Variants in PRDX5 observed in about 807,000 individuals in gnomAD.
PRDX5 encodes peroxiredoxin 5.
PRDX5 carries 21 observed loss-of-function variants against 23.8 expected under a neutral mutation model. The ratio of observed to expected loss-of-function variants is 0.88; its 90% CI spans 0.63 to 1.27. The LOEUF is 1.27. Ranked by LOEUF, PRDX5 falls within the 50% of genes most tolerant of loss-of-function variation. The probability of loss-of-function intolerance (pLI) is 0.00; values close to 1 mark genes in which losing one functional copy is unlikely to be tolerated. For missense variants in PRDX5, 261 were observed against 270.6 expected, an observed-to-expected ratio of 0.96 and a Z score of 0.25; for synonymous variants, 111 against 113.3, an observed-to-expected ratio of 0.98 and a Z score of 0.13.
intron 5 of PRDX5, 112 bp downstream of exon 5, chr11:64,321,180 A>G (rs1591258785): frequency 7.9e-7 from 1 of 1,267,562 alleles, no homozygotes; most frequent in Non-Finnish European, 1.1e-6. Context: ...TGTGGGGGAG[A>G]GTCCTCTGTG....
At chr11:64,319,939 C>G in intron 2 of PRDX5, 71 bp downstream of exon 2, 1 of 1,548,994 alleles carries the variant, frequency 6.5e-7, no homozygotes, top group African/African-American at 1.4e-5. Context: ...TCCACATAGT[C>G]CTGATAGGAC....
chr11:64,321,167 G>A (rs971186562), intron 5 of PRDX5, 99 bp downstream of exon 5: 10 of 1,359,876 alleles, frequency 7.4e-6, no homozygotes, highest in East Asian at 2.3e-5. Context: ...GGGAAGAGTC[G>A]TCTGTGGGGG....
chr11:64,320,926 C>G (rs1210249169), intron 4 of PRDX5, 23 bp downstream of exon 4: 1 of 1,614,024 alleles, frequency 6.2e-7, no homozygotes, highest in East Asian at 2.2e-5. Flanking sequence ...CTGACCGCCA[C>G]AGGGACATGG....
At chr11:64,319,931 C>T in intron 2 of PRDX5, 63 bp downstream of exon 2, 5 of 1,585,810 alleles carry the variant, frequency 3.2e-6, no homozygotes, top group South Asian at 1.1e-5. Flanking sequence ...TTAAGTCCTC[C>T]ACATAGTCCT....
At position 64,320,753 on chromosome 11, in the gene PRDX5, G is replaced by C; in HGVS notation, c.399G>C (p.Val133=). Reference sequence around the variant, plus strand: ...GTCTGAGTGTTAATGATGCCTTTGTGACTGGCGAGTGGGGCCGAGCCCACA... The same window carrying C: ...GTCTGAGTGTTAATGATGCCTTTGTCACTGGCGAGTGGGGCCGAGCCCACA... ...VACLSVNDAF[V]TGEWGRAHKA... is the part of the protein sequence containing the mutation. Residue 133 remains valine (V), a synonymous_variant, in exon 3 of 6, where the codon GTG becomes GTC. Transcript: ENST00000265462. The C allele has an allele frequency of 6.2e-7, 1 of 1,614,136 alleles. No individual in the cohort carries two copies. Among genetic ancestry groups the C allele is most frequent in the Non-Finnish European group, 8.5e-7 (1 of 1,179,996 alleles).
chr11:64,318,420 C>T (rs146856761), intron 1 of PRDX5, 34 bp downstream of exon 1: 41 of 1,579,788 alleles, frequency 2.6e-5, no homozygotes, highest in Middle Eastern at 1.7e-4. Context: ...TGACATCCCC[C>T]ACTACCCCCA....
At position 64,319,871 on chromosome 11, in the gene PRDX5, G is replaced by A. The variant is rs766597060; in HGVS notation, c.306+3G>A. 1 of 1,613,880 alleles carries A rather than the reference G, an allele frequency of 6.2e-7. No individual in the cohort carries two copies. The highest frequency in any genetic ancestry group is 2.2e-5 in the East Asian group (1 of 44,896). ...CCTTCACCCCTGGATGTTCCAAGGT[G>A]AGGCCCTTCCCCTTCTGAAGATCAG... is the stretch of plus-strand genomic sequence containing the variant. On this transcript the variant is annotated splice_donor_region_variant and intron_variant, in intron 2 of 5. Transcript: ENST00000265462.
intron 2 of PRDX5, 139 bp downstream of exon 2, chr11:64,320,007 C>T (rs1435727449): frequency 8.0e-6 from 10 of 1,254,316 alleles, no homozygotes; most frequent in East Asian, 7.8e-5. Flanking sequence ...GAGCTGGGCG[C>T]GGTGGCTCAC....
At chr11:64,318,958 G>C (rs1002157591) in intron 1 of PRDX5, among the ~76,000 whole-genome samples, 1 of 150,412 alleles carries the variant, frequency 6.6e-6, no homozygotes, top group African/African-American at 2.4e-5. Flanking sequence ...CCCCGCGGGG[G>C]CTTACCCCAT....
At chr11:64,321,089 GTGGAGAGAGTCC>G (rs1317645306) in intron 5 of PRDX5, 21 bp downstream of exon 5, 1 of 1,598,326 alleles carries the variant, frequency 6.3e-7, no homozygotes, top group East Asian at 2.2e-5. Context: ...AGAGTCCTCT[GTGGAGAGAGTCC>G]TCTGTGGGAG....
At chr11:64,319,704 C>T (rs1356246914) in intron 1 of PRDX5, 30 bp from the exon 2 acceptor site, 4 of 1,600,822 alleles carry the variant, frequency 2.5e-6, no homozygotes, top group South Asian at 2.2e-5. Flanking sequence ...GGCTCCCTCA[C>T]CCCCCTTACC....
At position 64,321,725 on chromosome 11, in the gene PRDX5, C is replaced by G; in HGVS notation, c.*34C>G. 2 of 1,541,128 alleles carry G rather than the reference C, an allele frequency of 1.3e-6. No individual in the cohort carries two copies. The highest frequency in any genetic ancestry group is 2.7e-5 in the African/African-American group (2 of 73,000). On this transcript the variant is annotated 3_prime_UTR_variant, in exon 6 of 6. Coordinates refer to ENST00000265462, the MANE Select transcript of PRDX5 (RefSeq NM_012094.5). ...GCCAGATTACTTCCTCCACCCCTCC[C>G]TATCTCACCTGCCCAGCCCTGTGCT... is the stretch of plus-strand genomic sequence containing the variant.
At chr11:64,320,378 C>T (rs1344835291) in intron 2 of PRDX5, among the ~76,000 whole-genome samples, 2 of 152,074 alleles carry the variant, frequency 1.3e-5, no homozygotes, top group East Asian at 3.8e-4. Flanking sequence ...TCCAACACCC[C>T]TGTTGGTCCT....
At chr11:64,321,304 TG>T (rs1465031876) in intron 5 of PRDX5, among the ~76,000 whole-genome samples, 1 of 147,860 alleles carries the variant, frequency 6.8e-6, no homozygotes, top group African/African-American at 2.5e-5. Context: ...GAGTCCTCTG[TG>T]TGGAGAGAGT....
In PRDX5 at chr11:64,321,742, C is replaced by T. The variant is rs1461929570; in HGVS notation, c.*51C>T. ...ACCCCTCCCTATCTCACCTGCCCAG[C>T]CCTGTGCTGGGGCCCTGCAATTGGA... On this transcript the variant is annotated 3_prime_UTR_variant, in exon 6 of 6. Coordinates refer to ENST00000265462, the MANE Select transcript of PRDX5 (RefSeq NM_012094.5). The T allele has an allele frequency of 6.6e-7, 1 of 1,516,452 alleles. No homozygotes were observed. Among genetic ancestry groups the T allele is most frequent in the Admixed American group, 2.1e-5 (1 of 46,706 alleles). 93.9% of individuals were successfully genotyped at this position (1,516,452 alleles called of 1,614,324 possible). A position where few individuals can be genotyped will look rare whatever the true frequency, so the allele number is the denominator to read the frequency against.
Position 64,318,163 on chromosome 11 carries a change from C to T in PRDX5, c.-53C>T, listed in dbSNP as rs1191748427. On this transcript the variant is annotated 5_prime_UTR_variant, in exon 1 of 6. Transcript: ENST00000265462. Reference sequence around the variant, plus strand: ...CGCTGTGCCGCTAGCGGTGCCCCGCCTGCTGCGGTGGCACCAGCCAGGAGG... The same window carrying T: ...CGCTGTGCCGCTAGCGGTGCCCCGCTTGCTGCGGTGGCACCAGCCAGGAGG... 2.5e-6 allele frequency: 4 copies of T among 1,605,094 alleles called. No individual in the cohort carries two copies. The highest frequency in any genetic ancestry group is 3.4e-6 in the Non-Finnish European group (4 of 1,176,890).
rs1025775108 is a variant in PRDX5, at chr11:64,318,309, C to T, written c.94C>T (p.Arg32Trp). The T allele has an allele frequency of 1.2e-6, 2 of 1,612,626 alleles. No homozygotes were observed. Among genetic ancestry groups the T allele is most frequent in the Admixed American group, 1.7e-5 (1 of 59,996 alleles). The part of the protein sequence containing the change: ...GGQSAAAAAR[R>W]YSEGEWASGG... ...TCAGTCTGCGGCAGCGGCAGCAAGACGGTACAGTGAAGGAGAGTGGGCGTC... is the reference window on the plus strand; with the variant it reads ...TCAGTCTGCGGCAGCGGCAGCAAGATGGTACAGTGAAGGAGAGTGGGCGTC... Residue 32 changes from arginine to tryptophan, a missense_variant, in exon 1 of 6, where the codon CGG (arginine) becomes TGG (tryptophan). Coordinates refer to ENST00000265462, the MANE Select transcript of PRDX5 (RefSeq NM_012094.5).
At chr11:64,320,539 A>G (rs2035466203) in intron 2 of PRDX5, 122 bp from the exon 3 acceptor site, 1 of 1,399,772 alleles carries the variant, frequency 7.1e-7, no homozygotes, top group Non-Finnish European at 9.6e-7. Context: ...AATGGTTTAG[A>G]CAGCTCTCAT....
chr11:64,318,189 C>G lies in PRDX5; in HGVS notation c.-27C>G, dbSNP rs1185685619. 1 of 1,609,852 alleles carries G rather than the reference C, an allele frequency of 6.2e-7. No homozygotes were observed. The highest frequency in any genetic ancestry group is 8.5e-7 in the Non-Finnish European group (1 of 1,179,042). Reference sequence around the variant, plus strand: ...TGCTGCGGTGGCACCAGCCAGGAGGCGGAGTGGAAGTGGCCGTGGGGCGGG... The same window carrying G: ...TGCTGCGGTGGCACCAGCCAGGAGGGGGAGTGGAAGTGGCCGTGGGGCGGG... On this transcript the variant is annotated 5_prime_UTR_variant, in exon 1 of 6. Coordinates refer to ENST00000265462, the MANE Select transcript of PRDX5 (RefSeq NM_012094.5).
Sources: gnomAD v4.1 joint callset for allele counts (sites outside exome capture counted in the v4.1 genomes callset) on GRCh38, gnomAD v4.1.1 for gene constraint, MANE v1.5 for transcripts, NCBI Gene and HGNC (gene_info 2026-07-23, HGNC 2026-07-21) for gene names.